Variants in ANK3 observed in about 807,000 individuals in gnomAD.
The protein encoded by ANK3 is ankyrin-3.
Under a neutral mutation model 370.9 loss-of-function variants are expected in ANK3, and 57 were observed. The observed-to-expected ratio is 0.15, with a 90% confidence interval of 0.12 to 0.19. The LOEUF (loss-of-function observed/expected upper bound fraction) is 0.19. ANK3 is among the 10% of genes least tolerant of loss of function. The pLI is 1.00. For synonymous variants in ANK3, 1,929 were observed against 1,946.3 expected, an observed-to-expected ratio of 0.99 and a Z score of 0.23; for missense variants, 4,439 against 5,302.1, an observed-to-expected ratio of 0.84 and a Z score of 5.06.
chr10:60,121,690 CAAAA>C (rs56258116), intron 25 of ANK3, among the ~76,000 whole-genome samples: 2 of 142,186 alleles, frequency 1.4e-5, no homozygotes, highest in Admixed American at 7.0e-5. Flanking sequence ...GACCCTTTCT[CAAAA>C]AAAAAAAAAA....
rs147225701 is a variant in ANK3, at chr10:60,419,819, G to A, written c.97-140180C>T. Among the ~76,000 whole-genome samples, 311 of 152,172 alleles carry A rather than the reference G, an allele frequency of 2.0e-3. 1 individual carries two copies. The highest frequency in any genetic ancestry group is 6.9e-3 in the African/African-American group (287 of 41,528). On this transcript the variant is annotated intron_variant, in intron 2 of 43. Transcript: ENST00000373827. ...CAGACCTCAGTAAAACATCAAAACC[G>A]AACTCGATAACTCCAGTATTCATCT...
chr10:60,162,949 CT>C (rs1182296645), intron 23 of ANK3, among the ~76,000 whole-genome samples: 3 of 152,184 alleles, frequency 2.0e-5, no homozygotes, highest in Non-Finnish European at 2.9e-5. Flanking sequence ...TTATACCCCC[CT>C]GCCCCAATTT....
chr10:60,059,437 T>C lies in ANK3; in HGVS notation c.12596-7A>G. ...GATGTCTCATTCTGCCAACCTGTAA[T>C]TGAAGACATTTCCAGTTCTGCTTGC... is the stretch of plus-strand genomic sequence containing the variant. On this transcript the variant is annotated splice_region_variant and splice_polypyrimidine_tract_variant and intron_variant, in intron 40 of 43. Transcript: ENST00000280772. 2.5e-6 allele frequency: 4 copies of C among 1,612,044 alleles called. No homozygotes were observed. Among genetic ancestry groups the C allele is most frequent in the Non-Finnish European group, 3.4e-6 (4 of 1,178,134 alleles).
At chr10:60,131,358 T>A (rs555691829) in intron 25 of ANK3, among the ~76,000 whole-genome samples, 2 of 152,366 alleles carry the variant, frequency 1.3e-5, no homozygotes, top group Admixed American at 1.3e-4. Flanking sequence ...CCACAAGGAA[T>A]GCCTATGTGG....
intron 1 of ANK3, among the ~76,000 whole-genome samples, chr10:60,650,047 C>T (rs922213075): frequency 6.6e-6 from 1 of 152,150 alleles, no homozygotes; most frequent in African/African-American, 2.4e-5. Context: ...CTGCCAATTC[C>T]CACTAGACAG....
rs148041260 is a variant in ANK3 at position 60,523,909 on chromosome 10, C to T, written c.96+91277G>A. 5.0e-3 allele frequency among the ~76,000 whole-genome samples: 760 copies of T among 152,044 alleles called. 11 individuals are homozygous for T. Among genetic ancestry groups the T allele is most frequent in the African/African-American group, 0.017 (716 of 41,492 alleles). On this transcript the variant is annotated intron_variant, in intron 2 of 43. Coordinates refer to the ANK3 transcript ENST00000373827. The stretch of plus-strand genomic sequence containing the variant: ...ATGCTTACATTCTGAACAATGATAC[C>T]GGGTAAAAACAACAAGCATCTACAT...
In ANK3 at chr10:60,109,001, C is replaced by T. The variant is rs368664601; in HGVS notation, c.3002G>A (p.Arg1001His). The change falls in exon 27 of 44, where the codon CGT becomes CAT. Residue 1001 changes from arginine (R) to histidine (H), a missense_variant. This residue lies in a region of ANK3 where 702 missense variants were observed against 941.5 expected (regional missense o/e 0.75). Coordinates refer to ENST00000280772, the MANE Select transcript of ANK3 (RefSeq NM_020987.5). ...AATGATGATTCTCATCCCGTGATGA[C>T]GGCTTCCTCTCATGGAGCCCCCTCT... ...DARGGSMRGS[R>H]HHGMRIIIPP... The T allele has an allele frequency of 1.2e-6, 2 of 1,613,850 alleles. No individual in the cohort carries two copies. The highest frequency in any genetic ancestry group is 1.7e-6 in the Non-Finnish European group (2 of 1,179,994).
At position 60,279,047 on chromosome 10, in the gene ANK3, G is replaced by A; in HGVS notation, c.315+3C>T. The A allele has an allele frequency of 6.2e-7, 1 of 1,613,554 alleles. No individual in the cohort carries two copies. Among genetic ancestry groups the A allele is most frequent in the Non-Finnish European group, 8.5e-7 (1 of 1,179,662 alleles). ...CAAAAAGCATTAAATATGTGATACT[G>A]ACCTTTGTAGCTGCATCCACATTGG... is the stretch of plus-strand genomic sequence containing the variant. On this transcript the variant is annotated splice_donor_region_variant and intron_variant, in intron 3 of 43. Coordinates refer to ENST00000280772, the MANE Select transcript of ANK3 (RefSeq NM_020987.5).
chr10:60,187,810 G>A (rs1310125072), intron 16 of ANK3, among the ~76,000 whole-genome samples: 1 of 152,076 alleles, frequency 6.6e-6, no homozygotes, highest in East Asian at 1.9e-4. Flanking sequence ...CCCCCAAACA[G>A]AATATAGTCT....
intron 2 of ANK3, among the ~76,000 whole-genome samples, chr10:60,516,163 C>A (rs1211932535): frequency 6.6e-6 from 1 of 152,034 alleles, no homozygotes; most frequent in African/African-American, 2.4e-5. Context: ...GTGAAGGTCA[C>A]CTCCCTCCAA....
chr10:60,392,616 G>A (rs1436400988), upstream of ANK3, among the ~76,000 whole-genome samples: 2 of 152,182 alleles, frequency 1.3e-5, no homozygotes, highest in African/African-American at 4.8e-5. Flanking sequence ...GCCCATGCAC[G>A]GAATGTCAAA....
intron 2 of ANK3, among the ~76,000 whole-genome samples, chr10:60,512,748 T>C (rs1483241346): frequency 6.6e-6 from 1 of 152,124 alleles, no homozygotes; most frequent in Non-Finnish European, 1.5e-5. Context: ...CAAAGAAATA[T>C]TAGCCATAAG....
chr10:60,230,248 T>G (rs1371106767), intron 8 of ANK3, among the ~76,000 whole-genome samples: 2 of 152,164 alleles, frequency 1.3e-5, no homozygotes, highest in African/African-American at 4.8e-5. Context: ...TCCTTCAACA[T>G]GTACCAAATA....
chr10:60,030,835 C>T (rs1019968956), intron 43 of ANK3, among the ~76,000 whole-genome samples: 1 of 152,156 alleles, frequency 6.6e-6, no homozygotes, highest in South Asian at 2.1e-4. Flanking sequence ...CGGGCAAACA[C>T]CCAGTTTGGT....
chr10:60,396,052 C>T (rs559596527), intron 2 of ANK3, among the ~76,000 whole-genome samples: 26 of 152,308 alleles, frequency 1.7e-4, no homozygotes, highest in African/African-American at 3.6e-4. Context: ...ACTCCCTTTA[C>T]GCCCTGGCTA....
At chr10:60,262,320 G>C (rs1031212798) in intron 6 of ANK3, among the ~76,000 whole-genome samples, 5 of 152,140 alleles carry the variant, frequency 3.3e-5, no homozygotes, top group African/African-American at 1.2e-4. Context: ...ATTGTGCATT[G>C]AAACTCAAAA....
At chr10:60,625,122 T>C (rs1349166094) in intron 1 of ANK3, among the ~76,000 whole-genome samples, 3 of 152,052 alleles carry the variant, frequency 2.0e-5, no homozygotes, top group East Asian at 1.9e-4. Context: ...TCCTGCCTCT[T>C]GGTACCCTGA....
intron 23 of ANK3, among the ~76,000 whole-genome samples, chr10:60,147,810 G>A (rs989788675): frequency 6.6e-6 from 1 of 152,142 alleles, no homozygotes; most frequent in Non-Finnish European, 1.5e-5. Flanking sequence ...AAGCTGCTAT[G>A]CTTCCTGTAC....
chr10:60,179,787 C>T (rs1838423265), intron 18 of ANK3, among the ~76,000 whole-genome samples: 1 of 151,964 alleles, frequency 6.6e-6, no homozygotes, highest in Admixed American at 6.6e-5. Flanking sequence ...GCTGTGTGTG[C>T]AAATGGAAAA....
Sources: allele counts gnomAD v4.1 joint callset (sites outside exome capture counted in the v4.1 genomes callset), GRCh38; gene constraint gnomAD v4.1.1; regional missense constraint gnomAD v4.1.1; transcripts MANE v1.5; gene names NCBI Gene and HGNC (gene_info 2026-07-23, HGNC 2026-07-21).